The following COL19A1 variants were observed in gnomAD, a reference collection of about 807,000 sequenced individuals.
COL19A1 encodes collagen alpha-1(XIX) chain.
Under a neutral mutation model 190.2 loss-of-function variants are expected in COL19A1, and 159 were observed. That is an observed-to-expected ratio of 0.84 (90% CI 0.73 to 0.95). The LOEUF (loss-of-function observed/expected upper bound fraction) is 0.95. Among genes scored for constraint, COL19A1 ranks in the 40% least tolerant of loss-of-function variants. COL19A1 has a pLI of 0.00. For synonymous variants in COL19A1, 509 were observed against 458.9 expected, an observed-to-expected ratio of 1.11 and a Z score of -1.39; for missense variants, 1,418 against 1,431.9, an observed-to-expected ratio of 0.99 and a Z score of 0.16.
At chr6:70,170,929 T>G (rs1765460214) in intron 40 of COL19A1, among the ~76,000 whole-genome samples, 2 of 152,182 alleles carry the variant, frequency 1.3e-5, no homozygotes, top group South Asian at 2.1e-4. Context: ...TGTTTCTTTG[T>G]GATTATGTCT....
At chr6:70,058,201 T>A (rs1007262909) in intron 14 of COL19A1, among the ~76,000 whole-genome samples, 1 of 152,068 alleles carries the variant, frequency 6.6e-6, no homozygotes, top group Non-Finnish European at 1.5e-5. Context: ...GGGAAAAGAT[T>A]ATGATTAAAA....
intron 16 of COL19A1, among the ~76,000 whole-genome samples, chr6:70,113,534 A>C (rs1486551482): frequency 6.6e-6 from 1 of 152,142 alleles, no homozygotes; most frequent in Non-Finnish European, 1.5e-5. Context: ...CTAGTATTTT[A>C]TTCCACCTCC....
intron 11 of COL19A1, among the ~76,000 whole-genome samples, chr6:70,016,366 T>TAAAAAAAAAA (rs752043571): frequency 8.0e-5 from 3 of 37,622 alleles, no homozygotes; most frequent in South Asian, 8.3e-4. Context: ...TAGAGTATAA[T>TAAAAAAAAAA]AAAAAAAAAA....
In COL19A1 at chr6:70,122,850, A is replaced by C. The variant is rs562576014; in HGVS notation, c.1341+908A>C. On this transcript the variant is annotated intron_variant, in intron 17 of 50. Coordinates refer to ENST00000620364, the MANE Select transcript of COL19A1 (RefSeq NM_001858.6). ...TCCCAGTTTCTCTCTCTTCAGAACA[A>C]GGTCAACATAAAGACTTAGATAATT... Among the ~76,000 whole-genome samples, 10 of 152,338 alleles carry C rather than the reference A, an allele frequency of 6.6e-5. No individual in the cohort carries two copies. The South Asian group carries it at 1.9e-3, about 28-fold the overall frequency.
At chr6:70,207,023 T>C in intron 50 of COL19A1, 45 bp downstream of exon 50, 1 of 1,608,270 alleles carries the variant, frequency 6.2e-7, no homozygotes, top group Non-Finnish European at 8.5e-7. Flanking sequence ...CCTTTACAAA[T>C]TAGAACCATG....
intron 14 of COL19A1, among the ~76,000 whole-genome samples, chr6:70,060,370 T>C (rs957549738): frequency 6.6e-6 from 1 of 152,156 alleles, no homozygotes. Context: ...GCCTGTATCC[T>C]CTACAGCAGG....
chr6:70,108,544 C>T (rs1784104406), intron 16 of COL19A1, among the ~76,000 whole-genome samples: 1 of 152,088 alleles, frequency 6.6e-6, no homozygotes, highest in Admixed American at 6.6e-5. Flanking sequence ...GCTTATAAAT[C>T]CATATGATTT....
chr6:70,168,674 G>A lies in COL19A1; in HGVS notation c.2561G>A (p.Gly854Asp), dbSNP rs1583073299. The change falls in exon 40 of 51, where the codon GGC (glycine) becomes GAC (aspartate). Residue 854 changes from glycine to aspartate, a missense_variant. Coordinates refer to ENST00000620364, the MANE Select transcript of COL19A1 (RefSeq NM_001858.6). Reference sequence around the variant, plus strand: ...TTACAGGGCCCAAAAGGCGATCCTGGCCCAGTGGTATGAATGTTCCCATGT... The same window carrying A: ...TTACAGGGCCCAAAAGGCGATCCTGACCCAGTGGTATGAATGTTCCCATGT... ...PGPPGPKGDP[G>D]PVGEPGAMGL... 2 of 1,612,696 alleles carry A rather than the reference G, an allele frequency of 1.2e-6. No homozygotes were observed. The highest frequency in any genetic ancestry group is 2.7e-5 in the African/African-American group (2 of 74,846).
intron 12 of COL19A1, among the ~76,000 whole-genome samples, chr6:70,027,162 A>G (rs1778773170): frequency 6.6e-6 from 1 of 152,206 alleles, no homozygotes; most frequent in African/African-American, 2.4e-5. Flanking sequence ...GACTCCAGCT[A>G]CTTTCTAAGT....
intron 15 of COL19A1, among the ~76,000 whole-genome samples, chr6:70,079,986 C>A (rs78719523): frequency 6.6e-6 from 1 of 151,804 alleles, no homozygotes; most frequent in African/African-American, 2.4e-5. Flanking sequence ...CCAGACATAC[C>A]GGAAGAGGCC....
intron 48 of COL19A1, among the ~76,000 whole-genome samples, chr6:70,199,332 G>T (rs1767400887): frequency 6.6e-6 from 1 of 152,122 alleles, no homozygotes; most frequent in South Asian, 2.1e-4. Flanking sequence ...TAGATTCCAT[G>T]CTAGTGTTCT....
intron 12 of COL19A1, 117 bp downstream of exon 12, chr6:70,023,797 A>G (rs1778582056): frequency 2.4e-6 from 2 of 818,736 alleles, no homozygotes; most frequent in Admixed American, 5.9e-5. Context: ...ATCCAACAAA[A>G]TTAAGAATCA....
chr6:69,868,075 G>A (rs190025913), intron 1 of COL19A1, among the ~76,000 whole-genome samples: 1 of 151,670 alleles, frequency 6.6e-6, no homozygotes, highest in East Asian at 1.9e-4. Flanking sequence ...GTTAATGGAG[G>A]AGATGAAACA....
intron 44 of COL19A1, 63 bp downstream of exon 44, chr6:70,180,586 T>C (rs1766112998): frequency 1.3e-6 from 2 of 1,514,754 alleles, no homozygotes; most frequent in Non-Finnish European, 1.8e-6. Context: ...TATCTCCTCA[T>C]CTACCACCTC....
rs775825292 is a variant in COL19A1 at position 70,149,904 on chromosome 6, T to G, written c.1983T>G (p.Asp661Glu). The G allele has an allele frequency of 1.9e-6, 3 of 1,613,802 alleles. No homozygotes were observed. The highest frequency in any genetic ancestry group is 3.3e-5 in the Admixed American group (2 of 59,974). Residue 661 changes from aspartate to glutamate, a missense_variant and splice_region_variant, in exon 29 of 51, where the codon GAT becomes GAG. Asp to Glu is a conservative substitution (Grantham distance 45). Transcript: ENST00000620364. ...LPGTPGTPGN[D>E]GVPGRDGKPG... ...GAACTCCAGGGACTCCAGGGAATGA[T>G]GTAAGGACTTTCTTTATCTACCCTC...
chr6:69,921,420 T>TATATATCATATATATCATATATATC (rs1561998099), intron 4 of COL19A1, among the ~76,000 whole-genome samples: 19 of 115,432 alleles, frequency 1.6e-4, no homozygotes, highest in African/African-American at 2.5e-4. Context: ...TCATATATCA[T>TATATATCATATATATCATATATATC]ATATATCATA....
intron 11 of COL19A1, among the ~76,000 whole-genome samples, chr6:70,019,155 A>C (rs1778281554): frequency 6.6e-6 from 1 of 152,162 alleles, no homozygotes; most frequent in Non-Finnish European, 1.5e-5. Flanking sequence ...TTGAGGAAAT[A>C]ACTTAGGATA....
chr6:70,198,966 A>G (rs1257204481), intron 48 of COL19A1, among the ~76,000 whole-genome samples: 2 of 152,170 alleles, frequency 1.3e-5, no homozygotes, highest in Non-Finnish European at 2.9e-5. Context: ...TCTTCCCCAC[A>G]TGGGCCTCTC....
intron 44 of COL19A1, among the ~76,000 whole-genome samples, chr6:70,180,999 G>C (rs926938207): frequency 2.6e-5 from 4 of 152,148 alleles, no homozygotes; most frequent in Non-Finnish European, 5.9e-5. Flanking sequence ...TGTCCTAAAA[G>C]AGCTCTTGGT....
Sources: gnomAD v4.1 joint callset for allele counts (sites outside exome capture counted in the v4.1 genomes callset) on GRCh38, gnomAD v4.1.1 for gene constraint, MANE v1.5 for transcripts, NCBI Gene and HGNC (gene_info 2026-07-23, HGNC 2026-07-21) for gene names.